MNT: variants seen among roughly 807,000 people sequenced by gnomAD.
MNT encodes max-binding protein MNT.
MNT carries 13 observed loss-of-function variants against 40.7 expected under a neutral mutation model. That is an observed-to-expected ratio of 0.32 (90% CI 0.21 to 0.51). MNT has a LOEUF of 0.51. Among genes scored for constraint, MNT ranks in the 20% least tolerant of loss-of-function variants. MNT has a pLI of 0.98. For missense variants in MNT, 757 were observed against 792.0 expected (o/e 0.96, Z 0.53); for synonymous variants, 426 against 354.8 (o/e 1.20, Z -2.26).
rs775421599 is a variant in MNT at position 2,394,331 on chromosome 17, T to C, written c.669A>G (p.Glu223=). 1.9e-6 allele frequency: 3 copies of C among 1,612,348 alleles called. No individual in the cohort carries two copies. The highest frequency in any genetic ancestry group is 1.1e-5 in the South Asian group (1 of 91,012). ...TGTTCTTCTCCAATTTGTTGTGGAC[T>C]TCTCTGGTTCCGATCCTGAAACCCA... ...KKRPGGIGTR[E]VHNKLEKNRR... is the part of the protein sequence containing the mutation. Residue 223 remains glutamate, a synonymous_variant, in exon 3 of 6, where the codon GAA becomes GAG. Coordinates refer to ENST00000174618, the MANE Select transcript of MNT (RefSeq NM_020310.3).
At chr17:2,396,106 T>C (rs773631283) in intron 1 of MNT, among the ~76,000 whole-genome samples, 1 of 151,278 alleles carries the variant, frequency 6.6e-6, no homozygotes, top group Non-Finnish European at 1.5e-5. Context: ...TGACAGTCCC[T>C]GGATCCTCAC....
intron 1 of MNT, chr17:2,400,380 G>T (rs1191552668): frequency 7.7e-6 from 3 of 387,842 alleles, no homozygotes; most frequent in Admixed American, 1.0e-4. Flanking sequence ...GCCCACCACA[G>T]AAGGGGCACA....
chr17:2,395,398 T>G lies in MNT; in HGVS notation c.130A>C (p.Asn44His), dbSNP rs1482409860. The change falls in exon 2 of 6, where the codon AAT (asparagine) becomes CAT (histidine). Residue 44 changes from asparagine (N) to histidine (H), a missense_variant. Coordinates refer to ENST00000174618, the MANE Select transcript of MNT (RefSeq NM_020310.3). ...QEREQEQKKA[N>H]SLARLAHTLP... ...GTATGTGCCAGCCTGGCCAGGCTAT[T>G]GGCCTTCTTCTGTTCCTGCTCTCGC... is the stretch of plus-strand genomic sequence containing the variant. 1 of 1,613,512 alleles carries G rather than the reference T, an allele frequency of 6.2e-7. No individual in the cohort carries two copies. The highest frequency in any genetic ancestry group is 1.1e-5 in the South Asian group (1 of 91,048).
intron 4 of MNT, chr17:2,392,704 G>C (rs1443911068): frequency 6.6e-6 from 1 of 151,788 alleles, no homozygotes; most frequent in East Asian, 1.9e-4. Context: ...GCGCACCCAC[G>C]CGGCCGCGGC....
chr17:2,387,834 C>A (rs746323571), intron 5 of MNT, 23 bp downstream of exon 5: 4 of 1,576,804 alleles, frequency 2.5e-6, no homozygotes, highest in South Asian at 2.3e-5. Flanking sequence ...GGCTGGGGGG[C>A]CAGCGTGGGG....
chr17:2,393,683 G>A (rs1466835115), intron 4 of MNT: 1 of 154,640 alleles, frequency 6.5e-6, no homozygotes, highest in Non-Finnish European at 1.4e-5. Flanking sequence ...CGGGGAGGAG[G>A]CGCCGGGCCG....
At chr17:2,393,886 G>T in intron 4 of MNT, 157 bp downstream of exon 4, 2 of 382,664 alleles carry the variant, frequency 5.2e-6, no homozygotes, top group Middle Eastern at 7.3e-4. Flanking sequence ...GAGCCCCGCT[G>T]ACGTCAGCCG....
chr17:2,387,652 G>A lies in MNT; in HGVS notation c.1001-3C>T, dbSNP rs761493252. 3 of 1,614,002 alleles carry A rather than the reference G, an allele frequency of 1.9e-6. 1 individual carries two copies. Among genetic ancestry groups the A allele is most frequent in the Non-Finnish European group, 1.7e-6 (2 of 1,179,976 alleles). The stretch of plus-strand genomic sequence containing the variant: ...CTCGTCTATGTTGTCCTCACCCTCT[G>A]TGGGGAACATGGGGCAGGGAGCAGG... On this transcript the variant is annotated splice_region_variant and splice_polypyrimidine_tract_variant and intron_variant, in intron 5 of 5. Transcript: ENST00000174618.
intron 1 of MNT, among the ~76,000 whole-genome samples, chr17:2,398,218 T>C (rs146895038): frequency 5.9e-5 from 9 of 152,224 alleles, no homozygotes; most frequent in African/African-American, 1.7e-4. Context: ...GGCAGAAGAG[T>C]TGCATCTGAG....
rs572811869 is a variant in MNT at position 2,393,621 on chromosome 17, G to A, written c.807+422C>T. ...GGGACCACGCCCAACCCTCCCCGCA[G>A]ATAGCTACAGACATTCGGGCGGAAT... On this transcript the variant is annotated intron_variant, in intron 4 of 5. Coordinates refer to ENST00000174618, the MANE Select transcript of MNT (RefSeq NM_020310.3). 3.3e-5 allele frequency: 5 copies of A among 152,742 alleles called. No homozygotes were observed. The East Asian group carries it at 9.6e-4, about 29-fold the overall frequency. The allele number at this position is 152,742 out of a possible 1,614,324, so 9.5% of individuals were successfully genotyped here.
intron 1 of MNT, 175 bp downstream of exon 1, chr17:2,400,465 T>A: frequency 1.9e-6 from 1 of 537,578 alleles, no homozygotes; most frequent in Non-Finnish European, 3.2e-6. Context: ...CATTAATTAA[T>A]TTCACTGCCC....
At chr17:2,399,743 CGG>C (rs2066601867) in intron 1 of MNT, among the ~76,000 whole-genome samples, 1 of 152,206 alleles carries the variant, frequency 6.6e-6, no homozygotes, top group Non-Finnish European at 1.5e-5. Context: ...TGGTCGGGGG[CGG>C]AGCCCGTCCA....
intron 4 of MNT, chr17:2,389,546 A>G (rs2066496197): frequency 6.6e-6 from 1 of 152,240 alleles, no homozygotes; most frequent in African/African-American, 2.4e-5. Flanking sequence ...AAGTGCTGGG[A>G]TTACAGGCAT....
intron 1 of MNT, among the ~76,000 whole-genome samples, chr17:2,397,352 C>G (rs977860647): frequency 3.9e-5 from 6 of 152,174 alleles, no homozygotes; most frequent in African/African-American, 9.7e-5. Context: ...TTCCCCTACC[C>G]CAAGACAAGG....
rs55991010 is a variant in MNT at position 2,384,239 on chromosome 17, GT to G, written c.*2661del. On this transcript the variant is annotated 3_prime_UTR_variant, in exon 6 of 6. Transcript: ENST00000174618. ...TATGTACAAAATTAGGGTTTTTGTA[GT>G]TTTTTTTTTTTTCCACACAGCAGAT... is the stretch of plus-strand genomic sequence containing the variant. The G allele has an allele frequency of 1.8e-3, 260 of 146,012 alleles. No homozygotes were observed. Among genetic ancestry groups the G allele is most frequent in the African/African-American group, 2.4e-3 (97 of 39,980 alleles). The allele number at this position is 146,012 out of a possible 1,614,324, so 9.0% of individuals were successfully genotyped here. A position where few individuals can be genotyped will look rare whatever the true frequency, so the allele number is the denominator to read the frequency against.
At position 2,395,336 on chromosome 17, in the gene MNT, G is replaced by T; in HGVS notation, c.192C>A (p.Pro64=). The stretch of plus-strand genomic sequence containing the variant: ...GGGGAGCCGGTGGAGACAGAGGCAG[G>T]GGTGGCGCCTCCATGCGGGGTTCCT... ...PVEEPRMEAP[P]LPLSPPAPPP... is the part of the protein sequence containing the mutation. Residue 64 remains proline, a synonymous_variant, in exon 2 of 6, where the codon CCC becomes CCA. Coordinates refer to ENST00000174618, the MANE Select transcript of MNT (RefSeq NM_020310.3). 42 of 1,611,822 alleles carry T rather than the reference G, an allele frequency of 2.6e-5. No individual in the cohort carries two copies. The highest frequency in any genetic ancestry group is 3.5e-5 in the Non-Finnish European group (41 of 1,179,358).
chr17:2,396,011 C>T (rs1014523085), intron 1 of MNT, among the ~76,000 whole-genome samples: 1 of 152,232 alleles, frequency 6.6e-6, no homozygotes, highest in Non-Finnish European at 1.5e-5. Context: ...GTCAGTGAAG[C>T]TCAGGGAGCA....
Position 2,384,597 on chromosome 17 carries a change from C to CGTGTGTGTGTGTGTGTGTGTGT in MNT, c.*2282_*2303dup, listed in dbSNP as rs138247244. On this transcript the variant is annotated 3_prime_UTR_variant, in exon 6 of 6. Transcript: ENST00000174618. ...GAGGTAAGATGTGTGCGTGTGCGTG[C>CGTGTGTGTGTGTGTGTGTGTGT]GTGTGTGTGTGTGTGTGTGTGTGTG... The CGTGTGTGTGTGTGTGTGTGTGT allele has an allele frequency of 6.9e-6, 1 of 145,662 alleles. No homozygotes were observed. Among genetic ancestry groups the CGTGTGTGTGTGTGTGTGTGTGT allele is most frequent in the African/African-American group, 2.6e-5 (1 of 39,140 alleles). The allele number at this position is 145,662 out of a possible 1,614,324, so 9.0% of individuals were successfully genotyped here. A position where few individuals can be genotyped will look rare whatever the true frequency, so the allele number is the denominator to read the frequency against.
rs141715625 is a variant in MNT, at chr17:2,393,909, A to C, written c.807+134T>G. On this transcript the variant is annotated intron_variant, in intron 4 of 5. Transcript: ENST00000174618. ...CTGACGTCAGCCGGGCCATGTGCTC[A>C]GCGCCCGCGTGGAGGTGGGAGGGAG... The C allele has an allele frequency of 6.3e-3, 2,988 of 477,576 alleles. 81 individuals are homozygous for C. Among genetic ancestry groups the C allele is most frequent in the African/African-American group, 0.058 (2,773 of 47,808 alleles). 29.6% of individuals were successfully genotyped at this position (477,576 alleles called of 1,614,324 possible).
Sources: gnomAD v4.1 joint callset for allele counts (sites outside exome capture counted in the v4.1 genomes callset) on GRCh38, gnomAD v4.1.1 for gene constraint, MANE v1.5 for transcripts, NCBI Gene and HGNC (gene_info 2026-07-23, HGNC 2026-07-21) for gene names.